The following CCDC18 variants were observed in gnomAD, a reference collection of about 807,000 sequenced individuals.
CCDC18 encodes coiled-coil domain containing 18, also known as coiled-coil domain-containing protein 18.
CCDC18 carries 157 observed loss-of-function variants against 196.0 expected under a neutral mutation model. That is an observed-to-expected ratio of 0.80 (90% CI 0.70 to 0.91). The LOEUF (loss-of-function observed/expected upper bound fraction) is 0.91, where lower values mean the gene tolerates loss of function less well. Ranked by LOEUF, CCDC18 falls within the 40% of genes least tolerant of loss-of-function variation. The pLI is 0.00. For synonymous variants in CCDC18, 482 were observed against 529.2 expected, an observed-to-expected ratio of 0.91 and a Z score of 1.22; for missense variants, 1,465 against 1,611.6, an observed-to-expected ratio of 0.91 and a Z score of 1.56.
intron 17 of CCDC18, 22 bp from the exon 18 acceptor site, chr1:93,232,404 G>GATAT: frequency 5.3e-6 from 7 of 1,310,842 alleles, no homozygotes; most frequent in South Asian, 1.3e-5. Context: ...TGTATTGAGA[G>GATAT]ATATATATAT....
At chr1:93,278,395 T>A (rs1346369873) in intron 28 of CCDC18, 68 bp from the exon 29 acceptor site, 1 of 616,582 alleles carries the variant, frequency 1.6e-6, no homozygotes. Context: ...GTTATTATGG[T>A]AGACTTTTAA....
In CCDC18 at chr1:93,254,566, GA is replaced by G; in HGVS notation, c.3300del (p.Glu1101LysfsTer9). ...LQNEQEISQL[K>X]KEIERTQQRM... ...AAAATGAACAGGAGATAAGTCAACTGAAAAAAGAAATTGAAAGAACACAACA... is the reference window on the plus strand; with the variant it reads ...AAAATGAACAGGAGATAAGTCAACTGAAAAAGAAATTGAAAGAACACAACA... On this transcript the variant is annotated frameshift_variant, in exon 24 of 29. Transcript: ENST00000690025. LOFTEE classifies it high-confidence loss of function. The G allele has an allele frequency of 6.2e-7, 1 of 1,609,980 alleles. No individual in the cohort carries two copies. Among genetic ancestry groups the G allele is most frequent in the Non-Finnish European group, 8.5e-7 (1 of 1,178,222 alleles).
intron 6 of CCDC18, among the ~76,000 whole-genome samples, chr1:93,196,828 A>G (rs541656755): frequency 9.7e-4 from 148 of 152,346 alleles, no homozygotes; most frequent in African/African-American, 3.5e-3. Context: ...TTGATGTCGT[A>G]TGTATTATCT....
intron 19 of CCDC18, 71 bp from the exon 20 acceptor site, chr1:93,239,239 T>C: frequency 8.3e-7 from 1 of 1,204,056 alleles, no homozygotes; most frequent in Non-Finnish European, 1.1e-6. Context: ...TTGCAGGCTT[T>C]TTTTTTAGTC....
At chr1:93,247,746 A>G (rs1020230612) in intron 23 of CCDC18, among the ~76,000 whole-genome samples, 4 of 151,952 alleles carry the variant, frequency 2.6e-5, no homozygotes, top group Non-Finnish European at 5.9e-5. Context: ...TTTTTGGTGG[A>G]GTTTTCAGGT....
chr1:93,215,375 T>G (rs532807807), intron 12 of CCDC18, among the ~76,000 whole-genome samples: 1 of 152,140 alleles, frequency 6.6e-6, no homozygotes, highest in Admixed American at 6.5e-5. Flanking sequence ...CTGTTTAATA[T>G]GCATATTTCT....
At chr1:93,217,295 A>T (rs1340592710) in intron 13 of CCDC18, among the ~76,000 whole-genome samples, 1 of 152,058 alleles carries the variant, frequency 6.6e-6, no homozygotes, top group Non-Finnish European at 1.5e-5. Context: ...ATGCTTCTTG[A>T]TATTTAAAAT....
rs754819623 is a variant in CCDC18 at position 93,256,555 on chromosome 1, A to G, written c.3546+17A>G. The G allele has an allele frequency of 3.8e-6, 6 of 1,580,334 alleles. No homozygotes were observed. In the East Asian group the frequency reaches 8.9e-5, roughly 24 times the overall value. Reference sequence around the variant, plus strand: ...AAAGAGAAAGTAATCCCTATTTTAAATAATCTTATGTATCTGAAATCTTAC... The same window carrying G: ...AAAGAGAAAGTAATCCCTATTTTAAGTAATCTTATGTATCTGAAATCTTAC... On this transcript the variant is annotated intron_variant, in intron 25 of 28. Transcript: ENST00000690025.
intron 28 of CCDC18, among the ~76,000 whole-genome samples, chr1:93,273,036 T>C (rs1233187099): frequency 2.0e-5 from 3 of 151,754 alleles, no homozygotes; most frequent in African/African-American, 4.8e-5. Context: ...GAAGGTTTGA[T>C]AGTGGGAGAG....
At chr1:93,202,950 A>G (rs1654088165) in intron 7 of CCDC18, among the ~76,000 whole-genome samples, 1 of 152,224 alleles carries the variant, frequency 6.6e-6, no homozygotes, top group Non-Finnish European at 1.5e-5. Flanking sequence ...AGAGTAGGCA[A>G]TGCTTGAGCT....
At chr1:93,276,109 C>G (rs1665608409) in intron 28 of CCDC18, among the ~76,000 whole-genome samples, 1 of 152,208 alleles carries the variant, frequency 6.6e-6, no homozygotes, top group African/African-American at 2.4e-5. Flanking sequence ...GGCCTAAATC[C>G]AGCTCTGCTT....
intron 13 of CCDC18, 111 bp from the exon 14 acceptor site, chr1:93,217,627 C>A: frequency 1.2e-6 from 1 of 824,788 alleles, no homozygotes; most frequent in Non-Finnish European, 1.9e-6. Context: ...TTCATAGAGA[C>A]GGGGTCTTGC....
At position 93,270,821 on chromosome 1, in the gene CCDC18, A is replaced by ATT. The variant is rs1040027567; in HGVS notation, c.4353+10_4353+11dup. The ATT allele has an allele frequency of 2.0e-6, 3 of 1,494,228 alleles. No individual in the cohort carries two copies. The African/African-American group carries it at 4.2e-5, about 21-fold the overall frequency. 92.6% of individuals were successfully genotyped at this position (1,494,228 alleles called of 1,614,324 possible). The stretch of plus-strand genomic sequence containing the variant: ...AGGTGCTGGTTTAAATCAGGTATGT[A>ATT]TTTTATACACTGTAAACTGTAATAA... On this transcript the variant is annotated splice_region_variant and intron_variant, in intron 28 of 28. Coordinates refer to ENST00000690025, the MANE Select transcript of CCDC18 (RefSeq NM_001378204.1).
intron 12 of CCDC18, among the ~76,000 whole-genome samples, chr1:93,215,439 TTTTTC>T (rs1194020907): frequency 3.3e-5 from 5 of 150,938 alleles, no homozygotes; most frequent in East Asian, 1.9e-4. Context: ...AGAGTCTGCT[TTTTTC>T]TTTTCTTTTT....
intron 18 of CCDC18, among the ~76,000 whole-genome samples, chr1:93,233,030 T>A (rs1444616260): frequency 6.6e-6 from 1 of 152,250 alleles, no homozygotes; most frequent in East Asian, 1.9e-4. Context: ...TACTCTATAC[T>A]GATATTGTAA....
chr1:93,260,008 T>C (rs1374096065), intron 26 of CCDC18, among the ~76,000 whole-genome samples: 2 of 152,210 alleles, frequency 1.3e-5, no homozygotes, highest in Admixed American at 1.3e-4. Flanking sequence ...AAAAAAGTGA[T>C]GGGGTCTGTG....
chr1:93,224,982 C>T (rs765074881), intron 16 of CCDC18, among the ~76,000 whole-genome samples: 5 of 152,152 alleles, frequency 3.3e-5, no homozygotes, highest in Non-Finnish European at 7.4e-5. Flanking sequence ...TTAATGATTT[C>T]ATATACAGAC....
At chr1:93,263,863 T>A (rs1664138614) in intron 26 of CCDC18, among the ~76,000 whole-genome samples, 1 of 152,198 alleles carries the variant, frequency 6.6e-6, no homozygotes, top group Admixed American at 6.5e-5. Context: ...AAACCTCTTT[T>A]CCTTATAAAT....
intron 16 of CCDC18, among the ~76,000 whole-genome samples, chr1:93,222,455 A>G (rs1362376010): frequency 1.3e-5 from 2 of 152,206 alleles, no homozygotes; most frequent in African/African-American, 2.4e-5. Context: ...GGAGGAAGAG[A>G]AAACTAAAAG....
Sources: gnomAD v4.1 joint callset for allele counts (sites outside exome capture counted in the v4.1 genomes callset) on GRCh38, gnomAD v4.1.1 for gene constraint, MANE v1.5 for transcripts, NCBI Gene and HGNC (gene_info 2026-07-23, HGNC 2026-07-21) for gene names.